Variants in SEPTIN9 observed in about 807,000 individuals in gnomAD.
SEPTIN9 encodes septin-9.
Under a neutral mutation model 56.6 loss-of-function variants are expected in SEPTIN9, and 13 were observed. That is an observed-to-expected ratio of 0.23 (90% CI 0.15 to 0.37). The LOEUF (loss-of-function observed/expected upper bound fraction) is 0.37, where lower values mean the gene tolerates loss of function less well. SEPTIN9 is among the 10% of genes least tolerant of loss of function. The pLI is 1.00. For synonymous variants in SEPTIN9, 332 were observed against 334.1 expected (o/e 0.99, Z 0.07); for missense variants, 650 against 823.1 (o/e 0.79, Z 2.57).
rs2039309580 is a variant in SEPTIN9 at position 77,478,375 on chromosome 17, T to G, written c.722-3769T>G. 2.0e-5 allele frequency among the ~76,000 whole-genome samples: 3 copies of G among 152,342 alleles called. No homozygotes were observed. In the South Asian group the frequency reaches 6.2e-4, roughly 32 times the overall value. ...CCGTAGCATCCCATAATTCCACTTCTGGGTGTGGATTCAAAAGAATGCACA... is the reference window on the plus strand; with the variant it reads ...CCGTAGCATCCCATAATTCCACTTCGGGGTGTGGATTCAAAAGAATGCACA... On this transcript the variant is annotated intron_variant, in intron 3 of 11. Transcript: ENST00000427177.
rs947489031 is a variant in SEPTIN9 at position 77,305,562 on chromosome 17, C to T, written c.20-1579C>T. On this transcript the variant is annotated intron_variant, in intron 1 of 11. Coordinates refer to ENST00000427177, the MANE Select transcript of SEPTIN9 (RefSeq NM_001113491.2). ...AGCCTTGTGTCACACGCATTTCTCA[C>T]GGTGTTGCTTTCCCTGGAGGATGGG... Among the ~76,000 whole-genome samples, 8 of 152,090 alleles carry T rather than the reference C, an allele frequency of 5.3e-5. No homozygotes were observed. In the East Asian group the frequency reaches 1.6e-3, roughly 29 times the overall value.
chr17:77,475,733 G>C lies in SEPTIN9; in HGVS notation c.722-6411G>C. Reference sequence around the variant, plus strand: ...AGTCTTCGCCGGGGCAAGGGCACCAGCTGTAGATGCCGGCAGCTTTCTCCT... The same window carrying C: ...AGTCTTCGCCGGGGCAAGGGCACCACCTGTAGATGCCGGCAGCTTTCTCCT... On this transcript the variant is annotated intron_variant, in intron 3 of 11. Coordinates refer to ENST00000427177, the MANE Select transcript of SEPTIN9 (RefSeq NM_001113491.2). This position sits in a 1 kb window ranked among gnomAD's most constrained non-coding sequence, Gnocchi z 4.6. 1 of 1,613,212 alleles carries C rather than the reference G, an allele frequency of 6.2e-7. No homozygotes were observed. The highest frequency in any genetic ancestry group is 2.2e-5 in the East Asian group (1 of 44,888).
rs149932933 is a variant in SEPTIN9, at chr17:77,293,516, G to T, written c.19+11962G>T. Reference sequence around the variant, plus strand: ...AAGGCGGGGAACTAGTTACACAGATGATGGGAGAGGTGAAGGCCAGACAGG... The same window carrying T: ...AAGGCGGGGAACTAGTTACACAGATTATGGGAGAGGTGAAGGCCAGACAGG... On this transcript the variant is annotated intron_variant, in intron 1 of 11. Transcript: ENST00000427177. 4.2e-3 allele frequency among the ~76,000 whole-genome samples: 645 copies of T among 152,294 alleles called. 7 individuals carry two copies. Among genetic ancestry groups the T allele is most frequent in the East Asian group, 0.013 (66 of 5,178 alleles).
At chr17:77,378,406 CTT>C (rs2035010780) in intron 2 of SEPTIN9, among the ~76,000 whole-genome samples, 1 of 152,170 alleles carries the variant, frequency 6.6e-6, no homozygotes, top group African/African-American at 2.4e-5. Context: ...AAACAGCTCT[CTT>C]TGAGGGTTGC....
At chr17:77,294,595 T>C (rs868359548) in intron 1 of SEPTIN9, 2 of 162,426 alleles carry the variant, frequency 1.2e-5, no homozygotes, top group Middle Eastern at 2.6e-3. Flanking sequence ...TTTTCTTTTT[T>C]TTTAAATGTG....
chr17:77,481,134 G>A (rs561841951), intron 3 of SEPTIN9, among the ~76,000 whole-genome samples: 3 of 152,214 alleles, frequency 2.0e-5, no homozygotes, highest in Non-Finnish European at 4.4e-5. Flanking sequence ...GAGCACCTGG[G>A]TCCTCAGCAG....
chr17:77,415,384 A>T (rs1260925244), intron 3 of SEPTIN9, among the ~76,000 whole-genome samples: 2 of 152,196 alleles, frequency 1.3e-5, no homozygotes, highest in Middle Eastern at 3.2e-3. Context: ...AGGCAGGCAG[A>T]TCACCTGAGG....
At position 77,436,866 on chromosome 17, in the gene SEPTIN9, T is replaced by A. The variant is rs1033591635; in HGVS notation, c.721+34163T>A. On this transcript the variant is annotated intron_variant, in intron 3 of 11. Coordinates refer to ENST00000427177, the MANE Select transcript of SEPTIN9 (RefSeq NM_001113491.2). This position sits in a 1 kb window ranked among gnomAD's most constrained non-coding sequence, Gnocchi z 4.4. ...TGGGGCACAGCATAAAGAACAGCCG[T>A]AAGTGTTTCTCAGGCAGGAGGGTGC... Among the ~76,000 whole-genome samples, 1 of 152,234 alleles carries A rather than the reference T, an allele frequency of 6.6e-6. No individual in the cohort carries two copies. Among genetic ancestry groups the A allele is most frequent in the Non-Finnish European group, 1.5e-5 (1 of 68,034 alleles).
chr17:77,477,294 T>C lies in SEPTIN9; in HGVS notation c.722-4850T>C, dbSNP rs185925293. On this transcript the variant is annotated intron_variant, in intron 3 of 11. Transcript: ENST00000427177. ...CTCACCCCAAAAGGAAACGCCATCC[T>C]CGGTACACAGTCACTCCCCCTCCCC... Among the ~76,000 whole-genome samples the C allele has an allele frequency of 3.7e-4, 57 of 152,152 alleles. 1 individual carries two copies. The Middle Eastern group carries it at 0.01, about 27-fold the overall frequency.
chr17:77,288,225 C>G (rs970385225), intron 1 of SEPTIN9: 6 of 1,042,550 alleles, frequency 5.8e-6, no homozygotes, highest in South Asian at 4.6e-5. Context: ...GTGCATTGCT[C>G]TCTTTCCGGC....
chr17:77,300,321 T>C (rs2031981915), intron 1 of SEPTIN9, among the ~76,000 whole-genome samples: 1 of 142,968 alleles, frequency 7.0e-6, no homozygotes, highest in African/African-American at 2.5e-5. Context: ...AGGAGGTTGC[T>C]CCCCTCATGG....
intron 3 of SEPTIN9, among the ~76,000 whole-genome samples, chr17:77,430,710 G>A (rs987370005): frequency 2.6e-5 from 4 of 152,194 alleles, no homozygotes; most frequent in Non-Finnish European, 5.9e-5. Flanking sequence ...TAAGAAGCAG[G>A]CCGAGGGTGG....
At chr17:77,474,485 C>A (rs1037799853) in intron 3 of SEPTIN9, among the ~76,000 whole-genome samples, 1 of 152,202 alleles carries the variant, frequency 6.6e-6, no homozygotes, top group East Asian at 1.9e-4. Flanking sequence ...CCCTGGCTGG[C>A]GGGTAGAATC....
At position 77,451,608 on chromosome 17, in the gene SEPTIN9, C is replaced by T; in HGVS notation, c.722-30536C>T. 2 of 948,690 alleles carry T rather than the reference C, an allele frequency of 2.1e-6. No individual in the cohort carries two copies. The highest frequency in any genetic ancestry group is 1.3e-6 in the Non-Finnish European group (1 of 796,540). 58.8% of individuals were successfully genotyped at this position (948,690 alleles called of 1,614,324 possible). A position where few individuals can be genotyped will look rare whatever the true frequency, so the allele number is the denominator to read the frequency against. On this transcript the variant is annotated intron_variant, in intron 3 of 11. Coordinates refer to ENST00000427177, the MANE Select transcript of SEPTIN9 (RefSeq NM_001113491.2). This position sits in a 1 kb window ranked among gnomAD's most constrained non-coding sequence, Gnocchi z 4.2. ...CAGGTGGCGCGGCCGCGAGGCGGAC[C>T]CTGATGGCCATGGTGGCGGTGCCGG...
chr17:77,333,810 T>C (rs2033447320), intron 2 of SEPTIN9, among the ~76,000 whole-genome samples: 1 of 152,212 alleles, frequency 6.6e-6, no homozygotes, highest in African/African-American at 2.4e-5. Context: ...AACTTCATTT[T>C]TTTTTAAAGC....
At chr17:77,443,412 A>G (rs2037621515) in intron 3 of SEPTIN9, among the ~76,000 whole-genome samples, 1 of 152,184 alleles carries the variant, frequency 6.6e-6, no homozygotes, top group African/African-American at 2.4e-5. Context: ...GTAAGGTCAC[A>G]CTTTTAATAA....
At chr17:77,431,466 T>G (rs772582422) in intron 3 of SEPTIN9, among the ~76,000 whole-genome samples, 12 of 152,240 alleles carry the variant, frequency 7.9e-5, no homozygotes, top group Admixed American at 3.3e-4. Flanking sequence ...TCACGTTTCC[T>G]TCTAGTCTTT....
At chr17:77,485,566 G>C (rs2039741424) in intron 4 of SEPTIN9, among the ~76,000 whole-genome samples, 1 of 151,828 alleles carries the variant, frequency 6.6e-6, no homozygotes, top group African/African-American at 2.4e-5. Flanking sequence ...AATAATAAAA[G>C]TAACAATAAT....
intron 2 of SEPTIN9, among the ~76,000 whole-genome samples, chr17:77,388,801 T>A (rs1200400292): frequency 6.8e-6 from 1 of 148,012 alleles, no homozygotes; most frequent in African/African-American, 2.5e-5. Context: ...TGGCCCCTGG[T>A]GTTAGGCGCT....
Sources: gnomAD v4.1 joint callset for allele counts (sites outside exome capture counted in the v4.1 genomes callset) on GRCh38, gnomAD v4.1.1 for gene constraint, Gnocchi (gnomAD v3.1) non-coding constraint, MANE v1.5 for transcripts, NCBI Gene and HGNC (gene_info 2026-07-23, HGNC 2026-07-21) for gene names.